Variants in CDH6 observed in about 807,000 individuals in gnomAD.
CDH6 encodes the protein cadherin-6.
In CDH6, 31 loss-of-function variants were observed where a neutral mutation model predicts 78.0. The observed-to-expected ratio is 0.40, with a 90% CI of 0.30 to 0.54. CDH6 has a LOEUF of 0.54. CDH6 is among the 20% of genes least tolerant of loss of function. The pLI is 0.56. For synonymous variants in CDH6, 376 were observed against 368.8 expected (o/e 1.02, Z -0.23); for missense variants, 724 against 975.9 (o/e 0.74, Z 3.44).
At chr5:31,299,971 T>C (rs951973797) in intron 5 of CDH6, among the ~76,000 whole-genome samples, 1 of 152,264 alleles carries the variant, frequency 6.6e-6, no homozygotes, top group Non-Finnish European at 1.5e-5. Context: ...AATTTGACTT[T>C]ATGTTTTGTG....
At chr5:31,236,296 A>G (rs1741452274) in intron 1 of CDH6, among the ~76,000 whole-genome samples, 1 of 152,222 alleles carries the variant, frequency 6.6e-6, no homozygotes, top group South Asian at 2.1e-4. Context: ...ATTGTACTCT[A>G]TAGTTTACTA....
chr5:31,319,496 T>G (rs1001328463), intron 11 of CDH6, among the ~76,000 whole-genome samples: 3 of 152,234 alleles, frequency 2.0e-5, no homozygotes, highest in African/African-American at 7.2e-5. Context: ...ACCTTAAATA[T>G]GAAAACTGCA....
intron 2 of CDH6, among the ~76,000 whole-genome samples, chr5:31,269,490 C>A (rs1742461104): frequency 6.6e-6 from 1 of 152,118 alleles, no homozygotes; most frequent in Admixed American, 6.5e-5. Flanking sequence ...GCTTTCATTT[C>A]TTCATCTAGA....
At position 31,323,065 on chromosome 5, in the gene CDH6, C is replaced by A. The variant is rs750286748; in HGVS notation, c.2130C>A (p.Thr710=). ...PRRTPTARDN[T]DVRDFINQRL... ...GGACTCCAACAGCTCGCGACAACAC[C>A]GATGTCAGAGATTTCATTAACCAAA... Residue 710 remains threonine (T), a synonymous_variant, in exon 12 of 12, where the codon ACC becomes ACA. Transcript: ENST00000265071. 2.5e-6 allele frequency: 4 copies of A among 1,614,146 alleles called. No homozygotes were observed. The highest frequency in any genetic ancestry group is 4.5e-5 in the East Asian group (2 of 44,862).
chr5:31,198,807 A>G (rs1222633119), intron 1 of CDH6, among the ~76,000 whole-genome samples: 1 of 152,122 alleles, frequency 6.6e-6, no homozygotes, highest in Non-Finnish European at 1.5e-5. Flanking sequence ...TATAAACATA[A>G]TTACATCATT....
intron 1 of CDH6, among the ~76,000 whole-genome samples, chr5:31,244,402 G>C (rs148757582): frequency 6.6e-6 from 1 of 152,300 alleles, no homozygotes; most frequent in Non-Finnish European, 1.5e-5. Context: ...TTTGTTAAGA[G>C]GAGCTGCTAC....
chr5:31,220,496 T>C (rs1316606636), intron 1 of CDH6, among the ~76,000 whole-genome samples: 2 of 152,176 alleles, frequency 1.3e-5, no homozygotes, highest in Non-Finnish European at 2.9e-5. Flanking sequence ...CATTTCATTA[T>C]GAGGCATTGC....
intron 6 of CDH6, among the ~76,000 whole-genome samples, chr5:31,304,614 G>A (rs1737925662): frequency 6.6e-6 from 1 of 151,174 alleles, no homozygotes; most frequent in East Asian, 2.0e-4. Flanking sequence ...GAATCCGGGA[G>A]GCAGTGGTTG....
intron 1 of CDH6, among the ~76,000 whole-genome samples, chr5:31,252,328 G>GTGTGTGTGT (rs1554006112): frequency 4.0e-4 from 60 of 149,028 alleles, no homozygotes; most frequent in Admixed American, 6.7e-4. Context: ...ATGTGTGTGT[G>GTGTGTGTGT]GTGTGTGTGT....
intron 1 of CDH6, among the ~76,000 whole-genome samples, chr5:31,217,083 A>G (rs1740887236): frequency 6.6e-6 from 1 of 152,106 alleles, no homozygotes. Flanking sequence ...GTGCAACAAT[A>G]TAGACCTGTT....
chr5:31,322,205 A>G (rs2149962019), intron 11 of CDH6, among the ~76,000 whole-genome samples: 1 of 152,364 alleles, frequency 6.6e-6, no homozygotes, highest in South Asian at 2.1e-4. Context: ...CTCAAAATCC[A>G]AAATGGCTTT....
chr5:31,266,618 T>C (rs1006812124), intron 1 of CDH6, among the ~76,000 whole-genome samples: 3 of 147,564 alleles, frequency 2.0e-5, no homozygotes, highest in African/African-American at 7.6e-5. Flanking sequence ...CATCCTATAG[T>C]ATTATTAGGT....
chr5:31,216,256 A>G (rs2111819972), intron 1 of CDH6, among the ~76,000 whole-genome samples: 1 of 152,186 alleles, frequency 6.6e-6, no homozygotes, highest in South Asian at 2.1e-4. Context: ...ACATTACTGT[A>G]CATGCCTTGA....
chr5:31,214,472 C>A (rs1271227729), intron 1 of CDH6, among the ~76,000 whole-genome samples: 1 of 152,130 alleles, frequency 6.6e-6, no homozygotes, highest in Non-Finnish European at 1.5e-5. Context: ...GAATATAGGT[C>A]AAAGGATGAC....
At chr5:31,223,986 A>G (rs1741072034) in intron 1 of CDH6, among the ~76,000 whole-genome samples, 1 of 152,216 alleles carries the variant, frequency 6.6e-6, no homozygotes, top group Non-Finnish European at 1.5e-5. Flanking sequence ...ACATGTACTA[A>G]GTGCTTCTGT....
chr5:31,230,102 G>T (rs918872120), intron 1 of CDH6, among the ~76,000 whole-genome samples: 1 of 152,168 alleles, frequency 6.6e-6, no homozygotes, highest in Admixed American at 6.5e-5. Flanking sequence ...CAGTTGAAGA[G>T]AATTTGCTTT....
chr5:31,231,602 C>CA (rs1741311886), intron 1 of CDH6, among the ~76,000 whole-genome samples: 1 of 152,192 alleles, frequency 6.6e-6, no homozygotes, highest in Non-Finnish European at 1.5e-5. Context: ...CCCAAGGTGG[C>CA]ACAGGCCACC....
intron 1 of CDH6, among the ~76,000 whole-genome samples, chr5:31,212,074 G>C (rs558744715): frequency 2.0e-5 from 3 of 152,272 alleles, no homozygotes; most frequent in Non-Finnish European, 4.4e-5. Flanking sequence ...CTAAGTATAA[G>C]AACTACCTTG....
intron 1 of CDH6, among the ~76,000 whole-genome samples, chr5:31,245,234 A>C (rs1004633897): frequency 2.6e-5 from 4 of 152,206 alleles, no homozygotes; most frequent in Admixed American, 2.6e-4. Context: ...GAAGGCCTAA[A>C]ATAGTCATGG....
Sources: gnomAD v4.1 joint callset for allele counts (sites outside exome capture counted in the v4.1 genomes callset) on GRCh38, gnomAD v4.1.1 for gene constraint, MANE v1.5 for transcripts, NCBI Gene and HGNC (gene_info 2026-07-23, HGNC 2026-07-21) for gene names.